ANO6: variants seen among roughly 807,000 people sequenced by gnomAD.
The protein encoded by ANO6 is anoctamin 6.
ANO6 carries 106 observed loss-of-function variants against 117.5 expected under a neutral mutation model. That is an observed-to-expected ratio of 0.90 (90% CI 0.77 to 1.06). ANO6 has a LOEUF of 1.06. ANO6 is among the 50% of genes least tolerant of loss of function. The pLI is 0.00. For synonymous variants in ANO6, 367 were observed against 385.1 expected (o/e 0.95, Z 0.55); for missense variants, 955 against 1,121.1 (o/e 0.85, Z 2.12).
At chr12:45,221,940 GGCGT>G (rs1947406655) in intron 1 of ANO6, among the ~76,000 whole-genome samples, 1 of 148,098 alleles carries the variant, frequency 6.8e-6, no homozygotes, top group Non-Finnish European at 1.5e-5. Flanking sequence ...GGAGTGCAGT[GGCGT>G]GATCTCAGCT....
chr12:45,266,890 C>T (rs1013928278), intron 1 of ANO6, among the ~76,000 whole-genome samples: 2 of 150,942 alleles, frequency 1.3e-5, no homozygotes, highest in Non-Finnish European at 2.9e-5. Flanking sequence ...TTAAAAATGA[C>T]GAAGTGGGAA....
intron 2 of ANO6, among the ~76,000 whole-genome samples, chr12:45,304,864 C>T (rs1006915149): frequency 6.6e-6 from 1 of 152,196 alleles, no homozygotes; most frequent in South Asian, 2.1e-4. Context: ...GCCAGCACTG[C>T]TGTATAGTGT....
chr12:45,358,887 C>G (rs374313419), intron 8 of ANO6, among the ~76,000 whole-genome samples: 1 of 151,706 alleles, frequency 6.6e-6, no homozygotes, highest in East Asian at 1.9e-4. Flanking sequence ...CAGGTCCAAG[C>G]GAGTCTCCTG....
In ANO6 at chr12:45,409,453, C is replaced by T; in HGVS notation, c.1977C>T (p.Gly659=). 1 of 1,613,896 alleles carries T rather than the reference C, an allele frequency of 6.2e-7. No homozygotes were observed. The highest frequency in any genetic ancestry group is 8.5e-7 in the Non-Finnish European group (1 of 1,179,916). The change falls in exon 16 of 20, where the codon GGC becomes GGT. Residue 659 remains glycine (G), a synonymous_variant. Transcript: ENST00000320560. ...AGGACTACCATCTGCAGCCTATGGGCAAACTGGGATTATTTTATGAATATC... is the reference window on the plus strand; with the variant it reads ...AGGACTACCATCTGCAGCCTATGGGTAAACTGGGATTATTTTATGAATATC... ...WEQDYHLQPM[G]KLGLFYEYLE...
intron 1 of ANO6, among the ~76,000 whole-genome samples, chr12:45,297,799 T>C (rs555805951): frequency 6.6e-6 from 1 of 152,326 alleles, no homozygotes; most frequent in Admixed American, 6.5e-5. Flanking sequence ...TTTAGTGGGT[T>C]TCTTTTGACC....
At chr12:45,245,489 T>C (rs1947811428) in intron 1 of ANO6, among the ~76,000 whole-genome samples, 1 of 151,626 alleles carries the variant, frequency 6.6e-6, no homozygotes, top group Non-Finnish European at 1.5e-5. Context: ...GTAGTGTCCA[T>C]GGCTCTTTAT....
At chr12:45,391,508 G>C (rs1418467262) in intron 12 of ANO6, among the ~76,000 whole-genome samples, 1 of 152,062 alleles carries the variant, frequency 6.6e-6, no homozygotes, top group Non-Finnish European at 1.5e-5. Context: ...TAGCTATTTG[G>C]GGGGACAATA....
At chr12:45,311,303 A>G (rs1592948677) in intron 2 of ANO6, among the ~76,000 whole-genome samples, 1 of 152,088 alleles carries the variant, frequency 6.6e-6, no homozygotes, top group Admixed American at 6.6e-5. Flanking sequence ...GCAGAGAGTA[A>G]TGATGGATCA....
chr12:45,342,531 T>C (rs1453044125), intron 3 of ANO6, among the ~76,000 whole-genome samples: 2 of 151,988 alleles, frequency 1.3e-5, no homozygotes, highest in Non-Finnish European at 2.9e-5. Flanking sequence ...GCATCTCTCT[T>C]TCTACACCAT....
intron 2 of ANO6, among the ~76,000 whole-genome samples, chr12:45,320,497 T>TTA (rs2137365257): frequency 6.6e-6 from 1 of 152,326 alleles, no homozygotes; most frequent in African/African-American, 2.4e-5. Context: ...TTTGTTATAA[T>TTA]TTCTGTTCTT....
intron 7 of ANO6, among the ~76,000 whole-genome samples, chr12:45,355,686 C>G (rs1037934179): frequency 1.3e-5 from 2 of 152,158 alleles, no homozygotes; most frequent in Non-Finnish European, 2.9e-5. Context: ...CCACTGTGTT[C>G]CTCCCATCTC....
intron 1 of ANO6, among the ~76,000 whole-genome samples, chr12:45,300,568 A>T (rs911370257): frequency 1.3e-5 from 2 of 152,184 alleles, no homozygotes; most frequent in African/African-American, 4.8e-5. Context: ...TGTCCAAATT[A>T]GGATCCAGTT....
At chr12:45,252,579 T>A (rs942065040) in intron 1 of ANO6, among the ~76,000 whole-genome samples, 2 of 152,194 alleles carry the variant, frequency 1.3e-5, no homozygotes, top group East Asian at 3.9e-4. Flanking sequence ...AAAATTTGGC[T>A]GACAATCAGT....
intron 2 of ANO6, among the ~76,000 whole-genome samples, chr12:45,308,217 G>A (rs1939739644): frequency 6.6e-6 from 1 of 151,730 alleles, no homozygotes. Context: ...AGAGTGAGAG[G>A]GAAGGATTAC....
chr12:45,358,061 GTAT>G (rs1398199736), intron 8 of ANO6, among the ~76,000 whole-genome samples: 7 of 152,158 alleles, frequency 4.6e-5, no homozygotes, highest in Admixed American at 3.9e-4. Flanking sequence ...ATTCTGAATG[GTAT>G]TATTAGACCT....
rs547092832 is a variant in ANO6, at chr12:45,343,061, G to A, written c.280-3961G>A. Among the ~76,000 whole-genome samples, 10 of 152,240 alleles carry A rather than the reference G, an allele frequency of 6.6e-5. No homozygotes were observed. The East Asian group carries it at 1.5e-3, about 24-fold the overall frequency. Reference sequence around the variant, plus strand: ...TAAGGAAGGAGGTGAGGTCACTTGCGAGCATGCTGGGCTGGAAGTTAGGTA... The same window carrying A: ...TAAGGAAGGAGGTGAGGTCACTTGCAAGCATGCTGGGCTGGAAGTTAGGTA... On this transcript the variant is annotated intron_variant, in intron 3 of 19. Coordinates refer to ENST00000320560, the MANE Select transcript of ANO6 (RefSeq NM_001025356.3).
chr12:45,412,395 CTCCAAGTT>C (rs1943108807), intron 16 of ANO6, among the ~76,000 whole-genome samples: 1 of 152,190 alleles, frequency 6.6e-6, no homozygotes, highest in Non-Finnish European at 1.5e-5. Context: ...TTTCATCTGT[CTCCAAGTT>C]AATTTTTTAA....
chr12:45,346,297 C>G (rs1941129959), intron 3 of ANO6, among the ~76,000 whole-genome samples: 1 of 152,174 alleles, frequency 6.6e-6, no homozygotes, highest in Non-Finnish European at 1.5e-5. Flanking sequence ...TCAAACAAGT[C>G]TCCATCTTTG....
intron 2 of ANO6, among the ~76,000 whole-genome samples, chr12:45,316,449 G>A (rs754912811): frequency 3.3e-5 from 5 of 152,000 alleles, no homozygotes; most frequent in Non-Finnish European, 5.9e-5. Flanking sequence ...CTAGGAAGAG[G>A]GAACTGCATG....
Sources: gnomAD v4.1 joint callset for allele counts (sites outside exome capture counted in the v4.1 genomes callset) on GRCh38, gnomAD v4.1.1 for gene constraint, MANE v1.5 for transcripts, NCBI Gene and HGNC (gene_info 2026-07-23, HGNC 2026-07-21) for gene names.